Variants in MGAM observed in about 807,000 individuals in gnomAD.
The protein encoded by MGAM is alpha-1,4-glucosidase.
In MGAM, 253 loss-of-function variants were observed where a neutral mutation model predicts 358.8. The ratio of observed to expected loss-of-function variants is 0.71; its 90% CI spans 0.64 to 0.78. MGAM has a LOEUF of 0.78. Ranked by LOEUF, MGAM falls within the 30% of genes least tolerant of loss-of-function variation. The pLI is 0.00. For synonymous variants in MGAM, 1,105 were observed against 1,227.1 expected, an observed-to-expected ratio of 0.90 and a Z score of 2.08; for missense variants, 3,080 against 3,432.6, an observed-to-expected ratio of 0.90 and a Z score of 2.57.
intron 20 of MGAM, 94 bp downstream of exon 20, chr7:142,040,265 T>C (rs1015058755): frequency 9.9e-7 from 1 of 1,006,354 alleles, no homozygotes; most frequent in South Asian, 1.4e-5. Context: ...TCCATCTACA[T>C]GCTGAGGAGT....
intron 21 of MGAM, among the ~76,000 whole-genome samples, chr7:142,047,396 A>G (rs1810493989): frequency 6.6e-6 from 1 of 152,168 alleles, no homozygotes; most frequent in Non-Finnish European, 1.5e-5. Flanking sequence ...TCTTCCTCAC[A>G]GCACTGGACA....
In MGAM at chr7:142,042,521, T is replaced by C. The variant is rs1240734496; in HGVS notation, c.2498+1675T>C. Among the ~76,000 whole-genome samples, 8 of 17,722 alleles carry C rather than the reference T, an allele frequency of 4.5e-4. 2 individuals carry two copies. The highest frequency in any genetic ancestry group is 1.4e-3 in the Admixed American group (1 of 730). The allele number at this position is 17,722 out of a possible 152,430, so 11.6% of individuals were successfully genotyped here. ...TATAATATATAATATATATTATATA[T>C]ACATATTATATATATAATATATATT... is the stretch of plus-strand genomic sequence containing the variant. On this transcript the variant is annotated intron_variant, in intron 21 of 70. Transcript: ENST00000475668.
At chr7:142,067,116 T>C (rs930228052) in intron 41 of MGAM, among the ~76,000 whole-genome samples, 2 of 146,036 alleles carry the variant, frequency 1.4e-5, no homozygotes, top group African/African-American at 4.9e-5. Context: ...GGTAATATTT[T>C]ACAGGAGAGA....
chr7:142,036,886 A>G lies in MGAM; in HGVS notation c.2140A>G (p.Asn714Asp), dbSNP rs782047805. ...GTTGAATTCCTCCAGGCACTACCTT[A>G]ACATCCGCTATACTCTATTGCCCTA... ...LLLNSSRHYL[N>D]IRYTLLPYLY... The change falls in exon 18 of 71, where the codon AAC becomes GAC. Residue 714 changes from asparagine (N) to aspartate (D), a missense_variant. Physicochemically the swap from Asn to Asp is conservative, Grantham distance 23. Transcript: ENST00000475668. 23 of 1,613,486 alleles carry G rather than the reference A, an allele frequency of 1.4e-5. No homozygotes were observed. Among genetic ancestry groups the G allele is most frequent in the Non-Finnish European group, 1.9e-5 (22 of 1,179,602 alleles).
intron 49 of MGAM, among the ~76,000 whole-genome samples, chr7:142,079,910 A>C (rs1814096772): frequency 6.8e-6 from 1 of 146,476 alleles, no homozygotes; most frequent in South Asian, 2.2e-4. Flanking sequence ...GTAGGCACCT[A>C]ATGGGTTTGA....
chr7:142,098,775 A>T (rs1816177687), intron 66 of MGAM, among the ~76,000 whole-genome samples: 2 of 152,310 alleles, frequency 1.3e-5, no homozygotes, highest in Admixed American at 1.3e-4. Flanking sequence ...CTAACAGAAG[A>T]TGTCTTTGGT....
chr7:142,064,261 G>T (rs1812506490), intron 36 of MGAM, 123 bp from the exon 37 acceptor site: 4 of 1,406,986 alleles, frequency 2.8e-6, no homozygotes, highest in African/African-American at 1.4e-5. Context: ...TCTCTGGGGA[G>T]ATGGAGAGCG....
chr7:142,008,727 T>G (rs782432263), intron 3 of MGAM, 22 bp downstream of exon 3: 17 of 1,602,126 alleles, frequency 1.1e-5, no homozygotes, highest in Non-Finnish European at 1.4e-5. Context: ...GAATTTTGTT[T>G]CCATTTTAGA....
At position 142,050,220 on chromosome 7, in the gene MGAM, TTC is replaced by T; in HGVS notation, c.2588-10_2588-9del. The T allele has an allele frequency of 6.2e-7, 1 of 1,613,676 alleles. No homozygotes were observed. The highest frequency in any genetic ancestry group is 2.2e-5 in the East Asian group (1 of 44,872). ...GGGCAGGCCAGAATCTGACTTGTCT[TTC>T]TCTCACTTTCAGATACTGTGGCCAA... On this transcript the variant is annotated splice_polypyrimidine_tract_variant and intron_variant, in intron 22 of 70. Coordinates refer to ENST00000475668, the MANE Select transcript of MGAM (RefSeq NM_001365693.1).
chr7:142,005,689 G>A (rs1554452158), intron 2 of MGAM, 32 bp downstream of exon 2: 1 of 1,584,256 alleles, frequency 6.3e-7, no homozygotes, highest in Non-Finnish European at 8.6e-7. Flanking sequence ...CTCTCCATAT[G>A]TTGTTTTTAT....
chr7:142,030,774 G>T lies in MGAM; in HGVS notation c.1470+17G>T, dbSNP rs782674379. The stretch of plus-strand genomic sequence containing the variant: ...ATTGGGGAGGTAACTTAATGGGAAG[G>T]CTGGAGGCTGGTGGAGGGGCTGCAT... On this transcript the variant is annotated intron_variant, in intron 12 of 70. Coordinates refer to ENST00000475668, the MANE Select transcript of MGAM (RefSeq NM_001365693.1). 2 of 1,537,476 alleles carry T rather than the reference G, an allele frequency of 1.3e-6. No homozygotes were observed. Among genetic ancestry groups the T allele is most frequent in the South Asian group, 2.2e-5 (2 of 89,494 alleles).
At chr7:142,094,679 A>G in intron 62 of MGAM, 25 bp downstream of exon 62, 1 of 1,612,368 alleles carries the variant, frequency 6.2e-7, no homozygotes, top group Non-Finnish European at 8.5e-7. Flanking sequence ...GATCCTCCTA[A>G]GCACCAAGAA....
chr7:142,100,759 T>C, intron 67 of MGAM, 43 bp from the exon 68 acceptor site: 2 of 1,542,920 alleles, frequency 1.3e-6, no homozygotes, highest in Non-Finnish European at 1.8e-6. Context: ...TTTGTGGCTG[T>C]GGCTTTACTT....
rs1301234862 is a variant in MGAM at position 142,055,580 on chromosome 7, T to G, written c.3337T>G (p.Phe1113Val). Residue 1113 changes from phenylalanine (F) to valine (V), a missense_variant, in exon 28 of 71, where the codon TTT becomes GTT. By Grantham distance (50) the Phe-to-Val change is conservative. This residue lies in a region of MGAM where 1,816 missense variants were observed against 1,840.5 expected (regional missense o/e 0.99). Coordinates refer to ENST00000475668, the MANE Select transcript of MGAM (RefSeq NM_001365693.1). Reference sequence around the variant, plus strand: ...CAGTTGGGACTCTCAGCTCCTTGGCTTTACCTTCAGTGACATGTTTATCCG... The same window carrying G: ...CAGTTGGGACTCTCAGCTCCTTGGCGTTACCTTCAGTGACATGTTTATCCG... ...TIIWDSQLLG[F>V]TFSDMFIRIS... The G allele has an allele frequency of 6.2e-7, 1 of 1,613,832 alleles. No individual in the cohort carries two copies. Among genetic ancestry groups the G allele is most frequent in the African/African-American group, 1.3e-5 (1 of 74,914 alleles).
At chr7:142,038,484 C>A in intron 18 of MGAM, 47 bp from the exon 19 acceptor site, 1 of 1,421,588 alleles carries the variant, frequency 7.0e-7, no homozygotes, top group Non-Finnish European at 9.7e-7. Flanking sequence ...CTACAAATCT[C>A]ATTGGCAGTG....
intron 9 of MGAM, 38 bp from the exon 10 acceptor site, chr7:142,027,572 G>T: frequency 6.2e-7 from 1 of 1,609,022 alleles, no homozygotes; most frequent in Non-Finnish European, 8.5e-7. Context: ...ATTAAAAACA[G>T]AGTATTTGCT....
Position 142,065,974 on chromosome 7 carries a change from T to G in MGAM, c.4770+143T>G, listed in dbSNP as rs1042594838. On this transcript the variant is annotated intron_variant, in intron 40 of 70. Coordinates refer to ENST00000475668, the MANE Select transcript of MGAM (RefSeq NM_001365693.1). Reference sequence around the variant, plus strand: ...TTTTGTTTTGTTTTGTTTTGTTTTTTTTTTTGAAACAGGGATTTACTCTGT... The same window carrying G: ...TTTTGTTTTGTTTTGTTTTGTTTTTGTTTTTGAAACAGGGATTTACTCTGT... The G allele has an allele frequency of 2.6e-5, 21 of 807,572 alleles. 3 individuals are homozygous for G. The South Asian group carries it at 3.3e-4, about 13-fold the overall frequency. The allele number at this position is 807,572 out of a possible 1,614,324, so 50.0% of individuals were successfully genotyped here.
In MGAM at chr7:142,078,925, C is replaced by G. The variant is rs2961091; in HGVS notation, c.5764C>G (p.His1922Asp). ...TGACATCTCCTTAAAGTCTTCTGTT[C>G]ATGCCAATGCCTTCCCTTCCACACC... is the stretch of plus-strand genomic sequence containing the variant. ...TADISLKSSV[H>D]ANAFPSTPVN... Residue 1922 changes from histidine (H) to aspartate (D), a missense_variant, in exon 49 of 71, where the codon CAT (histidine) becomes GAT (aspartate). Physicochemically the swap from His to Asp is moderately conservative, Grantham distance 81 (BLOSUM62 -1). Coordinates refer to ENST00000475668, the MANE Select transcript of MGAM (RefSeq NM_001365693.1). The G allele has an allele frequency of 1.3e-6, 2 of 1,555,760 alleles. No homozygotes were observed. Among genetic ancestry groups the G allele is most frequent in the African/African-American group, 1.3e-5 (1 of 74,604 alleles).
intron 21 of MGAM, among the ~76,000 whole-genome samples, chr7:142,042,509 A>G (rs1396876400): frequency 8.7e-5 from 2 of 22,986 alleles, no homozygotes; most frequent in African/African-American, 4.7e-4. Context: ...AATATATAAT[A>G]TATATTATAT....
Sources: allele counts gnomAD v4.1 joint callset (sites outside exome capture counted in the v4.1 genomes callset), GRCh38; gene constraint gnomAD v4.1.1; regional missense constraint gnomAD v4.1.1; transcripts MANE v1.5; gene names NCBI Gene and HGNC (gene_info 2026-07-23, HGNC 2026-07-21).